Variants in KCNU1 observed in about 807,000 individuals in gnomAD.
KCNU1 encodes the protein potassium calcium-activated channel subfamily U member 1.
Under a neutral mutation model 126.8 loss-of-function variants are expected in KCNU1, and 93 were observed. The ratio of observed to expected loss-of-function variants is 0.73; its 90% CI spans 0.62 to 0.87. KCNU1 has a LOEUF of 0.87. Among genes scored for constraint, KCNU1 ranks in the 40% least tolerant of loss-of-function variants. The pLI is 0.00. For missense variants in KCNU1, 1,330 were observed against 1,367.1 expected (o/e 0.97, Z 0.43); for synonymous variants, 523 against 494.2 (o/e 1.06, Z -0.77).
At position 36,935,805 on chromosome 8, in the gene KCNU1, C is replaced by T. The variant is rs773902048; in HGVS notation, c.3335C>T (p.Thr1112Ile). 1.7e-5 allele frequency: 27 copies of T among 1,613,024 alleles called. No homozygotes were observed. The highest frequency in any genetic ancestry group is 2.2e-5 in the Non-Finnish European group (26 of 1,179,358). The change falls in exon 27 of 27, where the codon ACA (threonine) becomes ATA (isoleucine). Residue 1112 changes from threonine (T) to isoleucine (I), a missense_variant. Physicochemically the swap from Thr to Ile is moderately conservative, Grantham distance 89. This residue lies in a region of KCNU1 where 1,054 missense variants were observed against 1,053.9 expected (regional missense o/e 1.00). Coordinates refer to ENST00000399881, the MANE Select transcript of KCNU1 (RefSeq NM_001031836.3). ...CAAATAGCATGGAATCAGAGTAGAACAAACAGTATTATATCATCTCAGATA... is the reference window on the plus strand; with the variant it reads ...CAAATAGCATGGAATCAGAGTAGAATAAACAGTATTATATCATCTCAGATA... ...PKQIAWNQSRTNSIISSQIPL... is the reference protein window; with the variant it reads ...PKQIAWNQSRINSIISSQIPL...
At chr8:36,910,146 A>G (rs1408822620) in intron 21 of KCNU1, among the ~76,000 whole-genome samples, 1 of 152,126 alleles carries the variant, frequency 6.6e-6, no homozygotes, top group Non-Finnish European at 1.5e-5. Flanking sequence ...AAATGCACCA[A>G]AGCATTTCAT....
chr8:36,927,105 G>A (rs1395241780), intron 24 of KCNU1, among the ~76,000 whole-genome samples: 2 of 152,042 alleles, frequency 1.3e-5, no homozygotes, highest in African/African-American at 4.8e-5. Flanking sequence ...TCCCAAGAAG[G>A]CAACAAAGCC....
At chr8:36,841,211 G>A (rs113328498) in intron 16 of KCNU1, among the ~76,000 whole-genome samples, 1 of 151,830 alleles carries the variant, frequency 6.6e-6, no homozygotes, top group South Asian at 2.1e-4. Flanking sequence ...TGACCCTCTT[G>A]GGCAAACACT....
At chr8:36,904,505 T>C (rs1807545056) in intron 19 of KCNU1, among the ~76,000 whole-genome samples, 1 of 152,192 alleles carries the variant, frequency 6.6e-6, no homozygotes, top group Non-Finnish European at 1.5e-5. Flanking sequence ...TGTTGGCTCT[T>C]TGACTTTTAT....
intron 16 of KCNU1, among the ~76,000 whole-genome samples, chr8:36,842,326 A>T (rs369078639): frequency 3.3e-5 from 5 of 152,338 alleles, no homozygotes; most frequent in African/African-American, 9.6e-5. Context: ...AGCATCAAAG[A>T]CCTGTCTGAG....
rs189498485 is a variant in KCNU1, at chr8:36,807,467, G to A, written c.656+17G>A. The A allele has an allele frequency of 1.4e-4, 217 of 1,559,538 alleles. No individual in the cohort carries two copies. The highest frequency in any genetic ancestry group is 1.1e-3 in the East Asian group (47 of 44,548). ...CAAGACCAGGTAAATAGCCCTGACC[G>A]AAGTACTGCTTACTTATTAGTTTGG... On this transcript the variant is annotated intron_variant, in intron 6 of 26. Transcript: ENST00000399881.
rs1427626988 is a variant in KCNU1 at position 36,910,973 on chromosome 8, A to G, written c.2375A>G (p.Glu792Gly). Residue 792 changes from glutamate to glycine, a missense_variant, in exon 22 of 27, where the codon GAG becomes GGG. Physicochemically the swap from Glu to Gly is moderately conservative, Grantham distance 98. Transcript: ENST00000399881. The part of the protein sequence containing the change: ...YSGDLHAANI[E>G]QCSMCAVLSP... The stretch of plus-strand genomic sequence containing the variant: ...GGAGACCTCCATGCGGCCAACATAG[A>G]GCAATGCTCCATGTGTGCTGTCTTG... The G allele has an allele frequency of 1.2e-6, 2 of 1,613,460 alleles. No homozygotes were observed. Among genetic ancestry groups the G allele is most frequent in the Non-Finnish European group, 1.7e-6 (2 of 1,179,680 alleles).
intron 19 of KCNU1, among the ~76,000 whole-genome samples, chr8:36,879,326 A>T (rs112095959): frequency 0.017 from 2,565 of 150,690 alleles, 86 homozygotes; most frequent in African/African-American, 0.058. Context: ...TTTATATAAA[A>T]TTACATGTTT....
rs1031236244 is a variant in KCNU1 at position 36,910,935 on chromosome 8, T to C, written c.2337T>C (p.Cys779=). The C allele has an allele frequency of 1.8e-5, 29 of 1,607,358 alleles. No individual in the cohort carries two copies. The highest frequency in any genetic ancestry group is 2.5e-5 in the Non-Finnish European group (29 of 1,175,258). Residue 779 remains cysteine, a synonymous_variant, in exon 22 of 27, where the codon TGT becomes TGC. Transcript: ENST00000399881. ...NFPQIYILPG[C]ALYSGDLHAA... ...CTCTCTTTTCCTCTCATTAGGGATGTGCACTTTATTCTGGAGACCTCCATG... is the reference window on the plus strand; with the variant it reads ...CTCTCTTTTCCTCTCATTAGGGATGCGCACTTTATTCTGGAGACCTCCATG...
intron 18 of KCNU1, among the ~76,000 whole-genome samples, chr8:36,862,758 A>C (rs902731659): frequency 6.6e-6 from 1 of 152,132 alleles, no homozygotes; most frequent in Non-Finnish European, 1.5e-5. Flanking sequence ...AACAGCTGAC[A>C]CATGTTATTG....
intron 19 of KCNU1, among the ~76,000 whole-genome samples, chr8:36,882,750 A>C (rs1002519924): frequency 6.6e-6 from 1 of 151,882 alleles, no homozygotes; most frequent in Non-Finnish European, 1.5e-5. Context: ...CACCCAGCTA[A>C]TTTTATGTTT....
chr8:36,794,235 CT>C (rs960772586), intron 2 of KCNU1, among the ~76,000 whole-genome samples: 31 of 147,248 alleles, frequency 2.1e-4, no homozygotes, highest in Admixed American at 2.7e-4. Context: ...TAGAAAGAAC[CT>C]TTTTTTTTTG....
intron 22 of KCNU1, among the ~76,000 whole-genome samples, chr8:36,912,954 A>C (rs1360187551): frequency 4.9e-5 from 2 of 40,438 alleles, no homozygotes; most frequent in African/African-American, 7.9e-5. Flanking sequence ...GTGACAGAGC[A>C]AAAAAAAAAA....
chr8:36,806,414 A>G, intron 5 of KCNU1, 34 bp downstream of exon 5: 2 of 1,058,668 alleles, frequency 1.9e-6, no homozygotes, highest in South Asian at 1.5e-5. Flanking sequence ...AGCAATATCT[A>G]TGAATAAAAT....
chr8:36,836,821 A>G lies in KCNU1; in HGVS notation c.1394A>G (p.Asn465Ser), dbSNP rs1233211309. Residue 465 changes from asparagine to serine, a missense_variant, in exon 14 of 27, where the codon AAC (asparagine) becomes AGC (serine). This residue lies in a region of KCNU1 where 1,054 missense variants were observed against 1,053.9 expected (regional missense o/e 1.00). Coordinates refer to ENST00000399881, the MANE Select transcript of KCNU1 (RefSeq NM_001031836.3). ...KVYLPKIPSW[N>S]WDTGDNIICF... ...TATCTGCCAAAGATTCCCAGCTGGA[A>G]CTGGGACACCGGAGACAACATCATC... 6.2e-7 allele frequency: 1 copy of G among 1,613,704 alleles called. No homozygotes were observed. The highest frequency in any genetic ancestry group is 1.3e-5 in the African/African-American group (1 of 75,044).
chr8:36,871,896 G>A (rs746274055), intron 19 of KCNU1, among the ~76,000 whole-genome samples: 1 of 152,134 alleles, frequency 6.6e-6, no homozygotes, highest in Non-Finnish European at 1.5e-5. Flanking sequence ...GCAGGAATGA[G>A]ACCTTGTCTG....
intron 2 of KCNU1, among the ~76,000 whole-genome samples, chr8:36,794,486 T>G (rs1363992024): frequency 6.6e-6 from 1 of 151,870 alleles, no homozygotes; most frequent in Non-Finnish European, 1.5e-5. Flanking sequence ...AATTTTAGTA[T>G]TTTTTTTCCA....
intron 19 of KCNU1, among the ~76,000 whole-genome samples, chr8:36,883,835 C>T (rs1738241700): frequency 6.6e-6 from 1 of 152,150 alleles, no homozygotes; most frequent in Non-Finnish European, 1.5e-5. Context: ...TATCTGTGTC[C>T]AATCAGTTGC....
At chr8:36,785,431 A>G (rs1459053105) in intron 1 of KCNU1, among the ~76,000 whole-genome samples, 3 of 152,234 alleles carry the variant, frequency 2.0e-5, no homozygotes, top group Non-Finnish European at 4.4e-5. Context: ...GCATCATAAT[A>G]TTGAAAATTT....
Sources: gnomAD v4.1 joint callset for allele counts (sites outside exome capture counted in the v4.1 genomes callset) on GRCh38, gnomAD v4.1.1 for gene constraint, gnomAD v4.1.1 regional missense constraint, MANE v1.5 for transcripts, NCBI Gene and HGNC (gene_info 2026-07-23, HGNC 2026-07-21) for gene names.